Variants in RBFOX1 observed in about 807,000 individuals in gnomAD.
The protein encoded by RBFOX1 is RNA binding fox-1 homolog 1.
Under a neutral mutation model 57.7 loss-of-function variants are expected in RBFOX1, and 8 were observed. That is an observed-to-expected ratio of 0.14 (90% confidence interval 0.08 to 0.25). The LOEUF is 0.25. Among genes scored for constraint, RBFOX1 ranks in the 10% least tolerant of loss-of-function variants. RBFOX1 has a pLI of 1.00. For missense variants in RBFOX1, 611 were observed against 548.5 expected (o/e 1.11, Z -1.14); for synonymous variants, 326 against 222.4 (o/e 1.47, Z -4.15).
chr16:6,545,505 C>T (rs1029888110), intron 2 of RBFOX1, among the ~76,000 whole-genome samples: 5 of 152,124 alleles, frequency 3.3e-5, no homozygotes, highest in African/African-American at 1.2e-4. Context: ...CAGAGGATGC[C>T]TCCTGTCGTG....
At chr16:5,728,697 C>T (rs1036128160) in intron 3 of RBFOX1, among the ~76,000 whole-genome samples, 1 of 152,198 alleles carries the variant, frequency 6.6e-6, no homozygotes, top group Non-Finnish European at 1.5e-5. Context: ...GGCCGCCCCT[C>T]CCCTCTCCAT....
At chr16:7,568,375 C>T (rs1238472322) in intron 5 of RBFOX1, among the ~76,000 whole-genome samples, 1 of 152,100 alleles carries the variant, frequency 6.6e-6, no homozygotes, top group Non-Finnish European at 1.5e-5. Flanking sequence ...CCTGACATTG[C>T]CATGGCATTT....
intron 3 of RBFOX1, among the ~76,000 whole-genome samples, chr16:7,029,182 G>GTATATATGTA (rs1380607203): frequency 1.3e-4 from 6 of 45,544 alleles, no homozygotes; most frequent in Non-Finnish European, 2.9e-4. Flanking sequence ...ACGTATACGT[G>GTATATATGTA]TATATATACA....
At chr16:5,905,660 A>T (rs1050832908) in intron 4 of RBFOX1, among the ~76,000 whole-genome samples, 11 of 151,976 alleles carry the variant, frequency 7.2e-5, no homozygotes, top group Non-Finnish European at 1.2e-4. Context: ...ATACCACTCC[A>T]CTCCAGCCAG....
chr16:5,956,678 A>ATATATATATATATTTTTTTTTT (rs368096576), intron 4 of RBFOX1, among the ~76,000 whole-genome samples: 1 of 116,506 alleles, frequency 8.6e-6, no homozygotes, highest in Non-Finnish European at 1.6e-5. Context: ...ATATATATAT[A>ATATATATATATATTTTTTTTTT]TTTTTTTTGA....
chr16:7,552,075 A>T (rs1024621689), intron 5 of RBFOX1, among the ~76,000 whole-genome samples: 1 of 152,124 alleles, frequency 6.6e-6, no homozygotes, highest in African/African-American at 2.4e-5. Context: ...TTTCATTGTC[A>T]CGTGTGTCAG....
chr16:6,779,407 G>C (rs13337709), intron 3 of RBFOX1, among the ~76,000 whole-genome samples: 3 of 151,568 alleles, frequency 2.0e-5, no homozygotes, highest in Non-Finnish European at 2.9e-5. Context: ...TTTTTCATTC[G>C]GTTCATACAT....
intron 1 of RBFOX1, among the ~76,000 whole-genome samples, chr16:5,398,824 A>G (rs11076915): frequency 0.045 from 6,910 of 152,202 alleles, 537 homozygotes; most frequent in African/African-American, 0.16. Flanking sequence ...TTTCAGAGGA[A>G]TTGAATTTGA....
At chr16:7,010,625 C>G (rs1038611456) in intron 3 of RBFOX1, among the ~76,000 whole-genome samples, 1 of 152,010 alleles carries the variant, frequency 6.6e-6, no homozygotes, top group South Asian at 2.1e-4. Context: ...TCTTGGATGA[C>G]TTAAACCAAT....
intron 4 of RBFOX1, among the ~76,000 whole-genome samples, chr16:7,133,676 A>T (rs193263558): frequency 2.4e-4 from 36 of 152,348 alleles, no homozygotes; most frequent in Non-Finnish European, 1.9e-4. Flanking sequence ...AAAAGCAAAA[A>T]AATTAATTGT....
At position 5,569,390 on chromosome 16, in the gene RBFOX1, A is replaced by G. The variant is rs544836905; in HGVS notation, c.259-29512A>G. 1.1e-3 allele frequency among the ~76,000 whole-genome samples: 154 copies of G among 135,572 alleles called. 1 individual carries two copies. Among genetic ancestry groups the G allele is most frequent in the African/African-American group, 3.9e-3 (148 of 38,140 alleles). 88.9% of individuals were successfully genotyped at this position (135,572 alleles called of 152,430 possible). Reference sequence around the variant, plus strand: ...ATTACTTCTCTGTGAAACAGAATGTATGATGCTCTTTTCAGACATTTGGTA... The same window carrying G: ...ATTACTTCTCTGTGAAACAGAATGTGTGATGCTCTTTTCAGACATTTGGTA... On this transcript the variant is annotated intron_variant, in intron 2 of 2. Transcript: ENST00000585867.
intron 2 of RBFOX1, among the ~76,000 whole-genome samples, chr16:6,412,708 C>A (rs1269301378): frequency 4.6e-5 from 7 of 152,240 alleles, no homozygotes; most frequent in African/African-American, 1.7e-4. Flanking sequence ...AATGACACTC[C>A]CAGTTTTGTG....
In RBFOX1 at chr16:7,711,309, G is replaced by T. The variant is rs554528820; in HGVS notation, c.*564G>T. The T allele has an allele frequency of 1.3e-5, 2 of 152,426 alleles. No homozygotes were observed. Among genetic ancestry groups the T allele is most frequent in the East Asian group, 3.9e-4 (2 of 5,180 alleles). The allele number at this position is 152,426 out of a possible 1,614,324, so 9.4% of individuals were successfully genotyped here. ...TATCAATGGTTCTAAGTTACTCATT[G>T]CCAGTTCAAGCCAAAGGTCATGTTG... is the stretch of plus-strand genomic sequence containing the variant. On this transcript the variant is annotated 3_prime_UTR_variant, in exon 16 of 16. Transcript: ENST00000550418.
At chr16:5,573,945 C>A (rs2046370475) in intron 2 of RBFOX1, among the ~76,000 whole-genome samples, 1 of 152,110 alleles carries the variant, frequency 6.6e-6, no homozygotes, top group Non-Finnish European at 1.5e-5. Flanking sequence ...CAGAATGAGA[C>A]CCTGTCTCAA....
intron 10 of RBFOX1, among the ~76,000 whole-genome samples, chr16:7,629,429 G>C (rs965370174): frequency 1.3e-5 from 2 of 152,126 alleles, no homozygotes; most frequent in African/African-American, 4.8e-5. Context: ...TGTAAGGTTG[G>C]CTTCTTATCA....
intron 2 of RBFOX1, among the ~76,000 whole-genome samples, chr16:6,570,484 C>G (rs1375059917): frequency 1.3e-5 from 2 of 152,060 alleles, no homozygotes; most frequent in Non-Finnish European, 2.9e-5. Context: ...AAAAGATCCA[C>G]TGTACTCTCT....
intron 1 of RBFOX1, among the ~76,000 whole-genome samples, chr16:6,213,522 G>A (rs905161447): frequency 3.3e-5 from 5 of 152,250 alleles, no homozygotes; most frequent in Admixed American, 2.0e-4. Flanking sequence ...AGACCCTGGC[G>A]GCAAGGCAGG....
chr16:6,080,594 T>A (rs2095986363), intron 1 of RBFOX1, among the ~76,000 whole-genome samples: 1 of 152,192 alleles, frequency 6.6e-6, no homozygotes, highest in Non-Finnish European at 1.5e-5. Context: ...AAAGATTCTT[T>A]ACATCAAATG....
At chr16:6,550,336 C>T (rs1001694544) in intron 2 of RBFOX1, among the ~76,000 whole-genome samples, 4 of 152,006 alleles carry the variant, frequency 2.6e-5, no homozygotes, top group Non-Finnish European at 5.9e-5. Flanking sequence ...GCCACCAGGC[C>T]CAGCTAATTT....
Sources: gnomAD v4.1 joint callset for allele counts (sites outside exome capture counted in the v4.1 genomes callset) on GRCh38, gnomAD v4.1.1 for gene constraint, MANE v1.5 for transcripts, NCBI Gene and HGNC (gene_info 2026-07-23, HGNC 2026-07-21) for gene names.